Variants in RCC1 observed in about 807,000 individuals in gnomAD.
RCC1 encodes the protein regulator of chromosome condensation.
A neutral mutation model predicts 44.4 loss-of-function variants in RCC1; 11 were observed. The observed-to-expected ratio is 0.25, with a 90% CI of 0.16 to 0.41. The LOEUF is 0.41. Among genes scored for constraint, RCC1 ranks in the 10% least tolerant of loss-of-function variants. The pLI is 1.00. For missense variants in RCC1, 386 were observed against 547.1 expected (o/e 0.71, Z 2.94); for synonymous variants, 213 against 216.5 (o/e 0.98, Z 0.14).
In RCC1 at chr1:28,531,796, C is replaced by T; in HGVS notation, c.74-7C>T. 1 of 1,519,442 alleles carries T rather than the reference C, an allele frequency of 6.6e-7. No individual in the cohort carries two copies. The highest frequency in any genetic ancestry group is 1.4e-5 in the African/African-American group (1 of 71,874). The allele number at this position is 1,519,442 out of a possible 1,614,324, so 94.1% of individuals were successfully genotyped here. On this transcript the variant is annotated splice_polypyrimidine_tract_variant and splice_region_variant and intron_variant, in intron 5 of 12. Coordinates refer to ENST00000683442, the MANE Select transcript of RCC1 (RefSeq NM_001381865.2). ...TACACTCAGGGTCTATCTTCTTCACCCTTCAGTCTCACACAGGTCCCACAG... is the reference window on the plus strand; with the variant it reads ...TACACTCAGGGTCTATCTTCTTCACTCTTCAGTCTCACACAGGTCCCACAG...
intron 4 of RCC1, among the ~76,000 whole-genome samples, chr1:28,526,093 T>C (rs527724234): frequency 6.6e-6 from 1 of 152,220 alleles, no homozygotes; most frequent in Admixed American, 6.5e-5. Context: ...TAGACCAGCC[T>C]GGGCAACTTG....
At chr1:28,516,661 CAAAAT>C (rs1258472748) in intron 3 of RCC1, 59 bp from the exon 4 acceptor site, 4 of 294,334 alleles carry the variant, frequency 1.4e-5, no homozygotes, top group East Asian at 1.8e-4. Flanking sequence ...CTGTAGTTAA[CAAAAT>C]AAAGGGTCTT....
At chr1:28,523,273 C>T (rs1663415412) in intron 4 of RCC1, among the ~76,000 whole-genome samples, 1 of 152,076 alleles carries the variant, frequency 6.6e-6, no homozygotes. Flanking sequence ...CCCGCCTCGG[C>T]CTCCCAAAGT....
intron 3 of RCC1, among the ~76,000 whole-genome samples, chr1:28,514,487 T>TGTG (rs199808029): frequency 0.011 from 1,648 of 147,870 alleles, 29 homozygotes; most frequent in African/African-American, 0.039. Flanking sequence ...GGCGGCCTGG[T>TGTG]GTGGTGGCTC....
At chr1:28,524,113 C>A (rs920696362) in intron 4 of RCC1, among the ~76,000 whole-genome samples, 2 of 152,240 alleles carry the variant, frequency 1.3e-5, no homozygotes, top group Non-Finnish European at 2.9e-5. Flanking sequence ...CCGTGCCCGG[C>A]CACAAAGATG....
intron 4 of RCC1, chr1:28,527,315 A>G (rs762185935): frequency 2.2e-5 from 12 of 543,166 alleles, no homozygotes; most frequent in East Asian, 1.1e-4. Context: ...TCTCAGCTCA[A>G]TTTAGCCTCA....
rs756861122 is a variant in RCC1 at position 28,538,006 on chromosome 1, G to C, written c.1265G>C (p.Ter422SerextTer1). 1.2e-6 allele frequency: 2 copies of C among 1,612,376 alleles called. No homozygotes were observed. The highest frequency in any genetic ancestry group is 2.7e-5 in the African/African-American group (2 of 74,912). ...VLLVKDKEQS* is the reference protein window; with the variant it reads ...VLLVKDKEQSS ...TTAGTCAAGGACAAAGAACAGAGCTGATGAAGCCTCTGAGGGCCTGGCTTC... is the reference window on the plus strand; with the variant it reads ...TTAGTCAAGGACAAAGAACAGAGCTCATGAAGCCTCTGAGGGCCTGGCTTC... The change falls in exon 13 of 13, where the codon TGA becomes TCA. Residue 422 changes from the stop codon to serine, a stop_lost. Transcript: ENST00000683442.
At chr1:28,528,500 C>T (rs982018174) in intron 4 of RCC1, among the ~76,000 whole-genome samples, 4 of 152,062 alleles carry the variant, frequency 2.6e-5, no homozygotes, top group Non-Finnish European at 5.9e-5. Context: ...TGGTGATGCA[C>T]ACCTGTAATC....
At chr1:28,524,314 G>A (rs948512238) in intron 4 of RCC1, among the ~76,000 whole-genome samples, 62 of 152,332 alleles carry the variant, frequency 4.1e-4, no homozygotes, top group African/African-American at 1.5e-3. Flanking sequence ...GGTCATTTAA[G>A]CCCAAGCCTG....
In RCC1 at chr1:28,535,908, C is replaced by A; in HGVS notation, c.699C>A (p.Ser233=). The change falls in exon 10 of 13, where the codon TCC becomes TCA. Residue 233 remains serine (S), a synonymous_variant. Transcript: ENST00000683442. ...TCCCCAAGTGTGTGATGCTGAAATC[C>A]AGGGGAAGCCGGGGCCACGTGAGAT... ...LLVPKCVMLK[S]RGSRGHVRFQ... is the part of the protein sequence containing the mutation. 1.9e-6 allele frequency: 3 copies of A among 1,614,038 alleles called. No individual in the cohort carries two copies. The highest frequency in any genetic ancestry group is 2.5e-6 in the Non-Finnish European group (3 of 1,179,956).
At chr1:28,513,071 C>T (rs888541162) in intron 3 of RCC1, among the ~76,000 whole-genome samples, 2 of 151,104 alleles carry the variant, frequency 1.3e-5, no homozygotes, top group African/African-American at 4.9e-5. Context: ...CCGCGCCCAG[C>T]CTCTTTTTTT....
At chr1:28,527,097 AAT>A (rs776438792) in intron 4 of RCC1, 22 of 1,024,876 alleles carry the variant, frequency 2.1e-5, no homozygotes, top group Middle Eastern at 3.0e-4. Context: ...ACCAGACCAC[AAT>A]ATGTTTGTCA....
chr1:28,531,998 T>G lies in RCC1; in HGVS notation c.261+8T>G. The G allele has an allele frequency of 6.4e-7, 1 of 1,568,270 alleles. No homozygotes were observed. Among genetic ancestry groups the G allele is most frequent in the South Asian group, 1.2e-5 (1 of 82,216 alleles). ...CTAAGCAAAAGTGGCCAGGTAGGTG[T>G]TGGGGACTGGCACAGGGTTGGACAA... On this transcript the variant is annotated splice_region_variant and intron_variant, in intron 6 of 12. Transcript: ENST00000683442.
At position 28,521,184 on chromosome 1, in the gene RCC1, G is replaced by A. The variant is rs1017447059; in HGVS notation, c.-10+4317G>A. ...AGTAGAGGCTGTGCAGGCAGGTACC[G>A]GGAACAGGGCTCCACCTTTTAGAAG... On this transcript the variant is annotated intron_variant, in intron 4 of 12. Coordinates refer to ENST00000683442, the MANE Select transcript of RCC1 (RefSeq NM_001381865.2). Among the ~76,000 whole-genome samples the A allele has an allele frequency of 3.3e-5, 5 of 152,030 alleles. No homozygotes were observed. The South Asian group carries it at 6.2e-4, about 19-fold the overall frequency.
At chr1:28,531,761 C>G in intron 5 of RCC1, 42 bp from the exon 6 acceptor site, 1 of 1,461,664 alleles carries the variant, frequency 6.8e-7, no homozygotes, top group South Asian at 1.5e-5. Context: ...TCCTCGCTGT[C>G]GTCATCCTCT....
chr1:28,510,346 T>C (rs913991636), intron 3 of RCC1: 1 of 152,186 alleles, frequency 6.6e-6, no homozygotes, highest in Non-Finnish European at 1.5e-5. Context: ...TAAGAGGGCA[T>C]GTTAAATGCA....
chr1:28,507,786 T>TA (rs1362338149), intron 1 of RCC1: 7 of 343,058 alleles, frequency 2.0e-5, no homozygotes, highest in Non-Finnish European at 1.1e-5. Context: ...TTTGTATTTT[T>TA]AGTAAAGACA....
chr1:28,508,719 C>T (rs1285219971), intron 2 of RCC1, 111 bp from the exon 3 acceptor site: 5 of 518,708 alleles, frequency 9.6e-6, no homozygotes. Context: ...TTCCCAGAGT[C>T]CTGTGGACAA....
intron 4 of RCC1, among the ~76,000 whole-genome samples, chr1:28,521,161 T>C (rs746996073): frequency 1.1e-4 from 17 of 151,984 alleles, no homozygotes; most frequent in Non-Finnish European, 2.2e-4. Context: ...ATTTGTGCAG[T>C]AGAGGCTGTG....
Sources: allele counts gnomAD v4.1 joint callset (sites outside exome capture counted in the v4.1 genomes callset), GRCh38; gene constraint gnomAD v4.1.1; transcripts MANE v1.5; gene names NCBI Gene and HGNC (gene_info 2026-07-23, HGNC 2026-07-21).